Variants in STK4 observed in about 807,000 individuals in gnomAD.
The protein encoded by STK4 is serine/threonine kinase 4, also known as serine/threonine-protein kinase 4.
STK4 carries 30 observed loss-of-function variants against 64.9 expected under a neutral mutation model. The observed-to-expected ratio is 0.46, with a 90% CI of 0.35 to 0.63. The LOEUF (loss-of-function observed/expected upper bound fraction) is 0.63, where lower values mean the gene tolerates loss of function less well. Among genes scored for constraint, STK4 ranks in the 20% least tolerant of loss-of-function variants. The probability of loss-of-function intolerance (pLI) is 0.01; values close to 1 mark genes in which losing one functional copy is unlikely to be tolerated. For missense variants in STK4, 466 were observed against 598.5 expected (o/e 0.78, Z 2.31); for synonymous variants, 177 against 199.0 (o/e 0.89, Z 0.93).
intron 10 of STK4, among the ~76,000 whole-genome samples, chr20:45,033,641 G>A (rs538734136): frequency 6.6e-5 from 10 of 152,000 alleles, no homozygotes; most frequent in Admixed American, 3.3e-4. Flanking sequence ...ATGCAGTGGC[G>A]TGATCTCAAC....
intron 10 of STK4, among the ~76,000 whole-genome samples, chr20:45,060,233 A>G (rs6094091): frequency 0.067 from 10,200 of 152,162 alleles, 1,117 homozygotes; most frequent in African/African-American, 0.23. Flanking sequence ...AGGTGTAAAA[A>G]AGCATGGCAC....
At position 45,075,255 on chromosome 20, in the gene STK4, C is replaced by G; in HGVS notation, c.*79C>G. 2 of 1,540,922 alleles carry G rather than the reference C, an allele frequency of 1.3e-6. No individual in the cohort carries two copies. Among genetic ancestry groups the G allele is most frequent in the Non-Finnish European group, 1.7e-6 (2 of 1,143,144 alleles). ...GATGGCTTGCCTCATGTTTGTTAGC[C>G]AGCACTTCTGCTCTGTCGTCTCTCC... is the stretch of plus-strand genomic sequence containing the variant. On this transcript the variant is annotated 3_prime_UTR_variant, in exon 11 of 11. Transcript: ENST00000372806.
At chr20:44,981,279 C>G (rs577593622) in intron 3 of STK4, among the ~76,000 whole-genome samples, 1 of 152,006 alleles carries the variant, frequency 6.6e-6, no homozygotes, top group Admixed American at 6.5e-5. Context: ...CTCAGCCTCC[C>G]GAGTAGCAGG....
At chr20:45,034,068 A>T (rs992081890) in intron 10 of STK4, among the ~76,000 whole-genome samples, 23 of 152,124 alleles carry the variant, frequency 1.5e-4, no homozygotes, top group Non-Finnish European at 2.9e-4. Flanking sequence ...AATGAATAAT[A>T]AGAATTATAC....
chr20:45,026,834 C>T (rs140201175), intron 10 of STK4, among the ~76,000 whole-genome samples: 28 of 152,296 alleles, frequency 1.8e-4, no homozygotes, highest in African/African-American at 6.0e-4. Context: ...GCCTTTGGCA[C>T]CCATCTGTTC....
chr20:45,013,231 A>C (rs1321476925), intron 9 of STK4, among the ~76,000 whole-genome samples: 1 of 152,010 alleles, frequency 6.6e-6, no homozygotes, highest in African/African-American at 2.4e-5. Context: ...TTGCAGCAGA[A>C]TTTGGTCGAT....
At chr20:45,035,031 A>G (rs1457056759) in intron 10 of STK4, among the ~76,000 whole-genome samples, 1 of 152,136 alleles carries the variant, frequency 6.6e-6, no homozygotes, top group Non-Finnish European at 1.5e-5. Flanking sequence ...AAAAATATAT[A>G]CACCTTTGTT....
At chr20:45,045,953 C>G (rs1250362410) in intron 10 of STK4, among the ~76,000 whole-genome samples, 1 of 143,792 alleles carries the variant, frequency 7.0e-6, no homozygotes, top group Non-Finnish European at 1.5e-5. Context: ...ATTACAGGTG[C>G]ATGCCACCAT....
intron 8 of STK4, among the ~76,000 whole-genome samples, chr20:45,000,799 C>A (rs527723562): frequency 3.2e-4 from 49 of 152,320 alleles, no homozygotes; most frequent in African/African-American, 1.2e-3. Context: ...AGGTCTGGGA[C>A]TTGGCTTTTC....
At chr20:45,015,851 G>A (rs1228698475) in intron 9 of STK4, among the ~76,000 whole-genome samples, 1 of 152,164 alleles carries the variant, frequency 6.6e-6, no homozygotes, top group Non-Finnish European at 1.5e-5. Flanking sequence ...ATGTGTAAAT[G>A]CTCAAAAATG....
chr20:44,988,070 A>G (rs2067562263), intron 5 of STK4, among the ~76,000 whole-genome samples: 10 of 152,108 alleles, frequency 6.6e-5, no homozygotes, highest in Admixed American at 6.6e-4. Context: ...TTTAAAATAA[A>G]TCAGAACCTT....
At chr20:45,070,444 G>A (rs115606726) in intron 10 of STK4, among the ~76,000 whole-genome samples, 1,794 of 152,260 alleles carry the variant, frequency 0.012, 33 homozygotes, top group African/African-American at 0.041. Flanking sequence ...AGGAGGCGGG[G>A]GTGAGGGAAA....
intron 9 of STK4, among the ~76,000 whole-genome samples, chr20:45,009,281 A>G (rs2068003560): frequency 6.6e-6 from 1 of 152,208 alleles, no homozygotes; most frequent in Admixed American, 6.5e-5. Flanking sequence ...AGTACCATTT[A>G]TTAAATAGGG....
rs1327245783 is a variant in STK4, at chr20:44,997,253, C to G, written c.778C>G (p.Gln260Glu). 4.3e-6 allele frequency: 7 copies of G among 1,613,724 alleles called. No homozygotes were observed. The highest frequency in any genetic ancestry group is 5.9e-6 in the Non-Finnish European group (7 of 1,179,808). The change falls in exon 7 of 11, where the codon CAG (glutamine) becomes GAG (glutamate). Residue 260 changes from glutamine (Q) to glutamate (E), a missense_variant. By Grantham distance (29) the Gln-to-Glu change is conservative. Coordinates refer to ENST00000372806, the MANE Select transcript of STK4 (RefSeq NM_006282.5). The part of the protein sequence containing the change: ...WSDNFTDFVK[Q>E]CLVKSPEQRA... Reference sequence around the variant, plus strand: ...AGATAACTTTACAGATTTTGTGAAACAGTGTCTTGTAAAGAGCCCTGAGCA... The same window carrying G: ...AGATAACTTTACAGATTTTGTGAAAGAGTGTCTTGTAAAGAGCCCTGAGCA...
chr20:45,012,703 C>T (rs2068071577), intron 9 of STK4, among the ~76,000 whole-genome samples: 1 of 151,052 alleles, frequency 6.6e-6, no homozygotes, highest in South Asian at 2.1e-4. Flanking sequence ...ATGGAGATTG[C>T]CTTTTTAAAA....
chr20:44,966,854 A>G (rs1305824357), intron 1 of STK4, among the ~76,000 whole-genome samples: 3 of 152,026 alleles, frequency 2.0e-5, no homozygotes, highest in Admixed American at 6.5e-5. Context: ...GAACGTGGGG[A>G]CAAGTTAGGG....
chr20:45,034,937 A>G lies in STK4; in HGVS notation c.1305+9807A>G, dbSNP rs147826034. Among the ~76,000 whole-genome samples the G allele has an allele frequency of 3.3e-5, 5 of 152,204 alleles. No individual in the cohort carries two copies. In the East Asian group the frequency reaches 7.7e-4, roughly 23 times the overall value. On this transcript the variant is annotated intron_variant, in intron 10 of 10. Coordinates refer to ENST00000372806, the MANE Select transcript of STK4 (RefSeq NM_006282.5). ...ATGTCTTAAAACAACAACAACAACA[A>G]AAGATCAATGTTAAAGAGTAGGATT...
At position 45,067,078 on chromosome 20, in the gene STK4, C is replaced by T. The variant is rs146305179; in HGVS notation, c.1306-7940C>T. ...CTCGCATCAAGAAAGAGTAAGTATCCTCGGTACTAAATTAGTGCTCTAGAT... is the reference window on the plus strand; with the variant it reads ...CTCGCATCAAGAAAGAGTAAGTATCTTCGGTACTAAATTAGTGCTCTAGAT... On this transcript the variant is annotated intron_variant, in intron 10 of 10. Transcript: ENST00000372806. 3.6e-3 allele frequency among the ~76,000 whole-genome samples: 545 copies of T among 152,206 alleles called. 3 individuals carry two copies. Among genetic ancestry groups the T allele is most frequent in the African/African-American group, 0.012 (515 of 41,500 alleles).
chr20:44,994,873 GT>G, intron 5 of STK4, among the ~76,000 whole-genome samples: 1 of 151,578 alleles, frequency 6.6e-6, no homozygotes, highest in South Asian at 2.1e-4. Context: ...ATCTTTTTGT[GT>G]TTCTTTGTCA....
Sources: allele counts gnomAD v4.1 joint callset (sites outside exome capture counted in the v4.1 genomes callset), GRCh38; gene constraint gnomAD v4.1.1; transcripts MANE v1.5; gene names NCBI Gene and HGNC (gene_info 2026-07-23, HGNC 2026-07-21).